Variants in EGFL6 observed in about 807,000 individuals in gnomAD.
EGFL6 encodes the protein EGF like domain multiple 6.
In EGFL6, 42 loss-of-function variants were observed where a neutral mutation model predicts 43.1. The observed-to-expected ratio is 0.98, with a 90% CI of 0.76 to 1.26. The LOEUF is 1.26. Ranked by LOEUF, EGFL6 falls within the 50% of genes most tolerant of loss-of-function variation. The probability of loss-of-function intolerance (pLI) is 0.00; values close to 1 mark genes in which losing one functional copy is unlikely to be tolerated. For missense variants in EGFL6, 429 were observed against 427.8 expected, an observed-to-expected ratio of 1.00 and a Z score of -0.02; for synonymous variants, 164 against 163.2, an observed-to-expected ratio of 1.01 and a Z score of -0.04.
At chrX:13,619,706 A>G (rs2146705733) in intron 9 of EGFL6, among the ~76,000 whole-genome samples, 1 of 111,748 alleles carries the variant, frequency 8.9e-6, no homozygotes, top group Non-Finnish European at 1.9e-5. Flanking sequence ...TTATGAGTCT[A>G]TGGGTTGGCT....
At chrX:13,629,137 G>C (rs749713284) in intron 11 of EGFL6, among the ~76,000 whole-genome samples, 14 of 112,706 alleles carry the variant, frequency 1.2e-4, no homozygotes, top group Non-Finnish European at 2.6e-4. Flanking sequence ...GCCAGTGCTT[G>C]TTTAGGAATG....
intron 11 of EGFL6, among the ~76,000 whole-genome samples, chrX:13,629,405 A>G (rs891561902): frequency 1.8e-5 from 2 of 111,324 alleles, no homozygotes; most frequent in African/African-American, 6.5e-5. Flanking sequence ...AGGGTATACT[A>G]GCAAAACAGT....
chrX:13,597,684 T>A (rs1426217642), intron 3 of EGFL6, among the ~76,000 whole-genome samples: 1 of 111,173 alleles, frequency 9.0e-6, no homozygotes, highest in Non-Finnish European at 1.9e-5. Context: ...CTCGGGAGGC[T>A]GAGGCAGGAG....
chrX:13,582,313 G>T (rs2045511304), intron 1 of EGFL6, among the ~76,000 whole-genome samples: 1 of 110,049 alleles, frequency 9.1e-6, no homozygotes, highest in Admixed American at 9.7e-5. Flanking sequence ...CGCCCACCTC[G>T]GCCTCCCAAA....
chrX:13,606,452 C>G lies in EGFL6; in HGVS notation c.594C>G (p.Tyr198Ter). Reference protein sequence around the residue: ...NRRCVNTFGSYYCKCHIGFEL... With the variant: ...NRRCVNTFGS ...GATGTGTGAACACATTTGGAAGCTA[C>G]TACTGCAAATGTCACATTGGTTTCG... Residue 198 changes from tyrosine (Y) to a stop codon, truncating the protein, a stop_gained, in exon 6 of 12, where the codon TAC becomes TAG. Coordinates refer to ENST00000361306, the MANE Select transcript of EGFL6 (RefSeq NM_015507.4). LOFTEE classifies it high-confidence loss of function. The G allele has an allele frequency of 5.0e-6, 6 of 1,209,753 alleles. No individual in the cohort carries two copies. Among genetic ancestry groups the G allele is most frequent in the Non-Finnish European group, 6.7e-6 (6 of 893,568 alleles).
At chrX:13,584,229 C>A (rs1284558055) in intron 1 of EGFL6, among the ~76,000 whole-genome samples, 1 of 111,514 alleles carries the variant, frequency 9.0e-6, no homozygotes, top group Non-Finnish European at 1.9e-5. Context: ...GTCCTGACCA[C>A]CATGTTATGC....
chrX:13,612,106 G>A (rs1273731776), intron 7 of EGFL6, among the ~76,000 whole-genome samples: 7 of 109,866 alleles, frequency 6.4e-5, no homozygotes, highest in Non-Finnish European at 1.3e-4. Context: ...GGGGGATTTG[G>A]CAGGGTCATA....
At chrX:13,627,513 G>A (rs2045788019) in intron 11 of EGFL6, among the ~76,000 whole-genome samples, 1 of 112,022 alleles carries the variant, frequency 8.9e-6, no homozygotes. Flanking sequence ...TGTTTGTCAG[G>A]CTCCTCTCAC....
chrX:13,608,524 C>G, intron 7 of EGFL6, 78 bp downstream of exon 7: 2 of 1,120,474 alleles, frequency 1.8e-6, no homozygotes, highest in East Asian at 6.0e-5. Context: ...CCCTCTATTT[C>G]TCTCCTTTCT....
chrX:13,602,080 A>G (rs142652188), intron 4 of EGFL6, among the ~76,000 whole-genome samples: 83 of 112,151 alleles, frequency 7.4e-4, no homozygotes, highest in African/African-American at 2.5e-3. Context: ...TTGTTATAAT[A>G]CATTGGGTCT....
intron 2 of EGFL6, among the ~76,000 whole-genome samples, chrX:13,590,943 C>T (rs960820759): frequency 2.7e-5 from 3 of 111,722 alleles, no homozygotes; most frequent in African/African-American, 9.8e-5. Flanking sequence ...ACCAGACTGA[C>T]GTGGGTGACC....
chrX:13,607,626 A>G (rs1226147017), intron 6 of EGFL6, among the ~76,000 whole-genome samples: 2 of 112,265 alleles, frequency 1.8e-5, no homozygotes, highest in Non-Finnish European at 3.8e-5. Context: ...GTTCCACAGA[A>G]CAGGGTGGAA....
chrX:13,611,824 C>A (rs903463556), intron 7 of EGFL6, among the ~76,000 whole-genome samples: 1 of 112,302 alleles, frequency 8.9e-6, no homozygotes, highest in African/African-American at 3.2e-5. Flanking sequence ...GTTATCCATT[C>A]TGCAGCTAAA....
chrX:13,580,158 C>T (rs1024193963), intron 1 of EGFL6, among the ~76,000 whole-genome samples: 4 of 111,726 alleles, frequency 3.6e-5, no homozygotes, highest in African/African-American at 1.3e-4. Flanking sequence ...GGTTTGCCTT[C>T]GCCCACACTT....
At chrX:13,631,508 G>A (rs905146966) in intron 11 of EGFL6, among the ~76,000 whole-genome samples, 4 of 111,319 alleles carry the variant, frequency 3.6e-5, no homozygotes, top group African/African-American at 6.5e-5. Context: ...CAGGCCGGGC[G>A]CAGTGGCTCA....
At chrX:13,614,055 G>A (rs1211340857) in intron 7 of EGFL6, among the ~76,000 whole-genome samples, 1 of 112,083 alleles carries the variant, frequency 8.9e-6, no homozygotes, top group African/African-American at 3.2e-5. Flanking sequence ...AGTAATCGAT[G>A]TGTGTTCACC....
intron 5 of EGFL6, among the ~76,000 whole-genome samples, chrX:13,603,896 A>G (rs2045647356): frequency 8.9e-6 from 1 of 112,404 alleles, no homozygotes; most frequent in Non-Finnish European, 1.9e-5. Context: ...TTAGCATGTA[A>G]TAAATTTCAT....
rs1047742084 is a variant in EGFL6, at chrX:13,571,466, A to C, written c.74+1531A>C. Among the ~76,000 whole-genome samples the C allele has an allele frequency of 1.7e-4, 19 of 111,783 alleles. No homozygotes were observed. The Admixed American group carries it at 1.7e-3, about 10-fold the overall frequency. On this transcript the variant is annotated intron_variant, in intron 1 of 11. Transcript: ENST00000361306. ...AAGCAGATGCAATTTGCTCATAATC[A>C]CATTTTCCTTGAATGCTAGAGGTTC... is the stretch of plus-strand genomic sequence containing the variant.
Position 13,606,495 on chromosome X carries a change from G to A in EGFL6, c.637G>A (p.Gly213Arg), listed in dbSNP as rs763747140. ...TGGTTTCGAACTGCAATATATCAGT[G>A]GACGATATGACTGTATAGGTAAGAT... ...HIGFELQYIS[G>R]RYDCIDINEC... The change falls in exon 6 of 12, where the codon GGA (glycine) becomes AGA (arginine). Residue 213 changes from glycine to arginine, a missense_variant. Physicochemically the swap from Gly to Arg is moderately radical, Grantham distance 125 (BLOSUM62 -2). Coordinates refer to ENST00000361306, the MANE Select transcript of EGFL6 (RefSeq NM_015507.4). The A allele has an allele frequency of 3.3e-6, 4 of 1,210,912 alleles. No individual in the cohort carries two copies. The highest frequency in any genetic ancestry group is 4.4e-5 in the Admixed American group (2 of 45,970).
Sources: allele counts gnomAD v4.1 joint callset (sites outside exome capture counted in the v4.1 genomes callset), GRCh38; gene constraint gnomAD v4.1.1; transcripts MANE v1.5; gene names NCBI Gene and HGNC (gene_info 2026-07-23, HGNC 2026-07-21).